TRPM3: variants seen among roughly 807,000 people sequenced by gnomAD.
TRPM3 encodes transient receptor potential cation channel subfamily M member 3.
In TRPM3, 77 loss-of-function variants were observed where a neutral mutation model predicts 181.2. The observed-to-expected ratio is 0.42, with a 90% CI of 0.35 to 0.51. The LOEUF is 0.51. TRPM3 is among the 20% of genes least tolerant of loss of function. The pLI is 0.01. For missense variants in TRPM3, 1,759 were observed against 2,196.7 expected (o/e 0.80, Z 3.98); for synonymous variants, 745 against 796.4 (o/e 0.94, Z 1.09).
At position 70,625,896 on chromosome 9, in the gene TRPM3, A is replaced by G. The variant is rs1162835657; in HGVS notation, c.1633-379T>C. On this transcript the variant is annotated intron_variant, in intron 12 of 25. Transcript: ENST00000677713. This position sits in a 1 kb window ranked among gnomAD's most constrained non-coding sequence, Gnocchi z 4.8. ...CTATCCATAATTTTAAAAAATTGAC[A>G]CTTTTTTCATAAAAGAAGAGCAATA... is the stretch of plus-strand genomic sequence containing the variant. 6.6e-6 allele frequency among the ~76,000 whole-genome samples: 1 copy of G among 152,166 alleles called. No individual in the cohort carries two copies. The highest frequency in any genetic ancestry group is 1.5e-5 in the Non-Finnish European group (1 of 68,022).
chr9:71,439,029 T>C (rs2094092563), intron 1 of TRPM3, among the ~76,000 whole-genome samples: 1 of 152,204 alleles, frequency 6.6e-6, no homozygotes, highest in Non-Finnish European at 1.5e-5. Flanking sequence ...AAAAGTATCA[T>C]ATTTCAATAT....
intron 1 of TRPM3, among the ~76,000 whole-genome samples, chr9:71,128,831 T>A (rs988331048): frequency 6.6e-6 from 1 of 152,210 alleles, no homozygotes; most frequent in African/African-American, 2.4e-5. Context: ...TCTTGGCCAA[T>A]GGATACCCAA....
intron 1 of TRPM3, among the ~76,000 whole-genome samples, chr9:71,350,201 T>G (rs757620002): frequency 6.6e-6 from 1 of 152,118 alleles, no homozygotes; most frequent in Admixed American, 6.5e-5. Flanking sequence ...TCACAGTCTA[T>G]GAAAAGAAGT....
At chr9:71,235,286 C>A (rs1157291334) in intron 1 of TRPM3, among the ~76,000 whole-genome samples, 3 of 152,232 alleles carry the variant, frequency 2.0e-5, no homozygotes, top group African/African-American at 4.8e-5. Flanking sequence ...TCTTTCTCAT[C>A]CTCCCCAGTT....
At chr9:71,014,950 T>C (rs1270011854) in intron 1 of TRPM3, among the ~76,000 whole-genome samples, 1 of 152,192 alleles carries the variant, frequency 6.6e-6, no homozygotes, top group Non-Finnish European at 1.5e-5. Flanking sequence ...TCTCTTTTCT[T>C]TCACTTCTTT....
At chr9:71,015,284 G>A (rs2097775665) in intron 1 of TRPM3, among the ~76,000 whole-genome samples, 1 of 152,144 alleles carries the variant, frequency 6.6e-6, no homozygotes, top group Non-Finnish European at 1.5e-5. Context: ...CATAAATGTT[G>A]AGACACTGAG....
At chr9:71,176,826 G>A (rs757741027) in intron 1 of TRPM3, among the ~76,000 whole-genome samples, 8 of 152,044 alleles carry the variant, frequency 5.3e-5, no homozygotes, top group African/African-American at 1.7e-4. Flanking sequence ...ATATTTAACC[G>A]TTGTGTTACA....
intron 1 of TRPM3, among the ~76,000 whole-genome samples, chr9:70,997,630 C>T (rs2097552694): frequency 6.6e-6 from 1 of 152,114 alleles, no homozygotes; most frequent in Non-Finnish European, 1.5e-5. Flanking sequence ...AACTGTGCTC[C>T]TTCTCCTAAG....
chr9:71,351,317 G>T (rs971191324), intron 1 of TRPM3, among the ~76,000 whole-genome samples: 1 of 152,142 alleles, frequency 6.6e-6, no homozygotes, highest in Non-Finnish European at 1.5e-5. Context: ...CAGCGTTAAG[G>T]CTGTAATTGG....
Position 71,102,184 on chromosome 9 carries a change from T to C in TRPM3, c.177+18994A>G, listed in dbSNP as rs77525880. ...CTTTCAGATGCAGAGCAAACACAGC[T>C]TTCCTCCATGCTTCTTACTCCCATG... On this transcript the variant is annotated intron_variant, in intron 1 of 25. Coordinates refer to ENST00000677713, the MANE Select transcript of TRPM3 (RefSeq NM_001366145.2). Among the ~76,000 whole-genome samples, 745 of 152,270 alleles carry C rather than the reference T, an allele frequency of 4.9e-3. 19 individuals carry two copies. In the East Asian group the frequency reaches 0.078, roughly 16 times the overall value.
chr9:70,901,043 T>A (rs187827303), intron 1 of TRPM3, among the ~76,000 whole-genome samples: 156 of 152,372 alleles, frequency 1.0e-3, no homozygotes, highest in African/African-American at 3.4e-3. Flanking sequence ...AACACTATCC[T>A]TTGCTTCAGT....
chr9:70,564,597 C>G (rs934243616), intron 22 of TRPM3, among the ~76,000 whole-genome samples: 1 of 152,168 alleles, frequency 6.6e-6, no homozygotes, highest in African/African-American at 2.4e-5. Context: ...GGGCCCTCTT[C>G]AAGAGGGGCC....
intron 1 of TRPM3, among the ~76,000 whole-genome samples, chr9:70,913,568 G>A (rs1381356384): frequency 6.6e-6 from 1 of 152,154 alleles, no homozygotes; most frequent in Non-Finnish European, 1.5e-5. Context: ...AGTTTCTATA[G>A]CAGGAAAAGA....
intron 1 of TRPM3, among the ~76,000 whole-genome samples, chr9:71,055,056 T>C (rs78254163): frequency 4.3e-4 from 66 of 152,202 alleles, no homozygotes; most frequent in Non-Finnish European, 7.9e-4. Context: ...TCTGGTTCAT[T>C]GGAAACAAGT....
At chr9:70,579,282 C>G (rs1250921492) in intron 22 of TRPM3, 1 of 152,292 alleles carries the variant, frequency 6.6e-6, no homozygotes. Flanking sequence ...GACCACTTCA[C>G]CCCTCCTTAG....
intron 1 of TRPM3, among the ~76,000 whole-genome samples, chr9:70,936,297 A>C (rs1389488853): frequency 1.3e-5 from 2 of 152,216 alleles, no homozygotes; most frequent in African/African-American, 2.4e-5. Flanking sequence ...TTTAAAACAA[A>C]ACAACAAAAC....
intron 1 of TRPM3, among the ~76,000 whole-genome samples, chr9:70,873,835 T>A (rs2045653219): frequency 6.6e-6 from 1 of 152,028 alleles, no homozygotes; most frequent in Admixed American, 6.6e-5. Context: ...CTAGGTCTAC[T>A]ATGGCATAAC....
intron 9 of TRPM3, among the ~76,000 whole-genome samples, chr9:70,655,305 CAAAAAA>C (rs1169901529): frequency 2.7e-4 from 9 of 33,184 alleles, no homozygotes; most frequent in African/African-American, 6.5e-4. Context: ...GACTCCGTCT[CAAAAAA>C]AAAAAAAAAA....
rs539468151 is a variant in TRPM3, at chr9:71,057,717, T to A, written c.177+63461A>T. 3.3e-5 allele frequency among the ~76,000 whole-genome samples: 5 copies of A among 152,078 alleles called. 1 individual carries two copies. Among genetic ancestry groups the A allele is most frequent in the Non-Finnish European group, 7.4e-5 (5 of 67,992 alleles). ...TCTGAACCAAGTTCTGATGATAAAG[T>A]ACATCATTTTCCCATTGGTCATGTA... On this transcript the variant is annotated intron_variant, in intron 1 of 25. Coordinates refer to ENST00000677713, the MANE Select transcript of TRPM3 (RefSeq NM_001366145.2).
Sources: gnomAD v4.1 joint callset for allele counts (sites outside exome capture counted in the v4.1 genomes callset) on GRCh38, gnomAD v4.1.1 for gene constraint, Gnocchi (gnomAD v3.1) non-coding constraint, MANE v1.5 for transcripts, NCBI Gene and HGNC (gene_info 2026-07-23, HGNC 2026-07-21) for gene names.